CYP39A1: variants seen among roughly 807,000 people sequenced by gnomAD.
CYP39A1 encodes 24-hydroxycholesterol 7-alpha-hydroxylase.
A neutral mutation model predicts 58.1 loss-of-function variants in CYP39A1; 49 were observed. The ratio of observed to expected loss-of-function variants is 0.84; its 90% confidence interval spans 0.67 to 1.07. The LOEUF (loss-of-function observed/expected upper bound fraction) is 1.07. CYP39A1 is among the 50% of genes least tolerant of loss of function. The pLI, the probability that CYP39A1 is intolerant of heterozygous loss-of-function variation, is 0.00. For synonymous variants in CYP39A1, 209 were observed against 187.6 expected, an observed-to-expected ratio of 1.11 and a Z score of -0.93; for missense variants, 531 against 539.4, an observed-to-expected ratio of 0.98 and a Z score of 0.16.
At chr6:46,626,569 C>T (rs1308798873) in intron 6 of CYP39A1, among the ~76,000 whole-genome samples, 1 of 152,138 alleles carries the variant, frequency 6.6e-6, no homozygotes, top group Non-Finnish European at 1.5e-5. Flanking sequence ...TTTTCCCTTT[C>T]TAACTTTAAA....
intron 8 of CYP39A1, among the ~76,000 whole-genome samples, chr6:46,592,369 T>C (rs1772891024): frequency 1.3e-5 from 2 of 152,174 alleles, no homozygotes; most frequent in South Asian, 4.1e-4. Context: ...AAAATACAAA[T>C]TTCTGGGAAC....
chr6:46,652,805 C>A lies in CYP39A1; in HGVS notation c.-223G>T. ...CCACTTCTCTTTGAATCTCAGCCAG[C>A]GCGGAAAAAATGCAAGGAGGGGCAG... On this transcript the variant is annotated 5_prime_UTR_variant, in exon 1 of 12. Transcript: ENST00000275016. 2.0e-6 allele frequency: 1 copy of A among 493,816 alleles called. No homozygotes were observed. The highest frequency in any genetic ancestry group is 3.5e-6 in the Non-Finnish European group (1 of 285,226). The allele number at this position is 493,816 out of a possible 1,614,324, so 30.6% of individuals were successfully genotyped here. A position where few individuals can be genotyped will look rare whatever the true frequency, so the allele number is the denominator to read the frequency against.
At chr6:46,581,770 T>A (rs1772148147) in intron 10 of CYP39A1, among the ~76,000 whole-genome samples, 1 of 152,112 alleles carries the variant, frequency 6.6e-6, no homozygotes, top group Non-Finnish European at 1.5e-5. Context: ...GTACCCCCCT[T>A]GAACCCAAAA....
chr6:46,584,488 C>A (rs1772341413), intron 10 of CYP39A1, among the ~76,000 whole-genome samples: 1 of 152,126 alleles, frequency 6.6e-6, no homozygotes, highest in African/African-American at 2.4e-5. Context: ...TCTTCCAAAT[C>A]TGGTAGATTC....
intron 10 of CYP39A1, among the ~76,000 whole-genome samples, chr6:46,585,367 A>T (rs1405486012): frequency 1.3e-5 from 2 of 152,166 alleles, no homozygotes; most frequent in Non-Finnish European, 2.9e-5. Context: ...AGATAGACAG[A>T]CAGATAGCTA....
intron 8 of CYP39A1, among the ~76,000 whole-genome samples, chr6:46,588,891 A>G (rs900028042): frequency 3.3e-5 from 5 of 152,220 alleles, no homozygotes; most frequent in Admixed American, 6.5e-5. Flanking sequence ...TGATCTATAA[A>G]CTATACAAAG....
intron 5 of CYP39A1, 76 bp from the exon 6 acceptor site, chr6:46,631,146 C>A (rs899973506): frequency 8.6e-7 from 1 of 1,158,104 alleles, no homozygotes; most frequent in South Asian, 1.3e-5. Context: ...GAGATCATGC[C>A]TTTTTCTTTA....
At position 46,621,742 on chromosome 6, in the gene CYP39A1, A is replaced by C. The variant is rs140780904; in HGVS notation, c.931+3676T>G. 2.7e-3 allele frequency among the ~76,000 whole-genome samples: 409 copies of C among 152,308 alleles called. 3 individuals are homozygous for C. The highest frequency in any genetic ancestry group is 9.4e-3 in the African/African-American group (393 of 41,596). On this transcript the variant is annotated intron_variant, in intron 7 of 11. Transcript: ENST00000275016. ...GAATTCTACCATATGTTTAAAGAAG[A>C]AATAATATCAATCTTTCATAACCTC...
chr6:46,606,920 T>C (rs909206222), intron 7 of CYP39A1, among the ~76,000 whole-genome samples: 1 of 152,198 alleles, frequency 6.6e-6, no homozygotes, highest in Non-Finnish European at 1.5e-5. Context: ...CTATAAGAGA[T>C]AGGGAGGAAA....
At position 46,637,819 on chromosome 6, in the gene CYP39A1, C is replaced by T. The variant is rs754454593; in HGVS notation, c.638+10G>A. 1 of 1,608,068 alleles carries T rather than the reference C, an allele frequency of 6.2e-7. No individual in the cohort carries two copies. The highest frequency in any genetic ancestry group is 8.5e-7 in the Non-Finnish European group (1 of 1,178,618). On this transcript the variant is annotated intron_variant, in intron 4 of 11. Transcript: ENST00000275016. ...TGGTCAATGAATTAATTATAGGAAA[C>T]AACTGTTACCTTAGAAGACACTCTG...
rs59632210 is a variant in CYP39A1 at position 46,550,970 on chromosome 6, C to T, written c.1339-533G>A. ...AGGCTCCAAATATTCTGACTTTTTT[C>T]GCCCGAGTTAGAAATAAGATATGAA... On this transcript the variant is annotated intron_variant, in intron 11 of 11. Transcript: ENST00000275016. Among the ~76,000 whole-genome samples the T allele has an allele frequency of 8.0e-3, 1,220 of 152,088 alleles. 21 individuals carry two copies. The highest frequency in any genetic ancestry group is 0.028 in the African/African-American group (1,153 of 41,468).
intron 6 of CYP39A1, among the ~76,000 whole-genome samples, chr6:46,628,814 C>A (rs1473314862): frequency 6.6e-6 from 1 of 152,124 alleles, no homozygotes; most frequent in African/African-American, 2.4e-5. Flanking sequence ...TATTTGGAAG[C>A]CTATGTTCAG....
At chr6:46,628,520 C>T (rs1288833073) in intron 6 of CYP39A1, among the ~76,000 whole-genome samples, 5 of 152,154 alleles carry the variant, frequency 3.3e-5, no homozygotes, top group Admixed American at 6.6e-5. Context: ...ATGGTTTTCC[C>T]ATAAAAATAA....
At chr6:46,594,514 C>T (rs1773026081) in intron 8 of CYP39A1, among the ~76,000 whole-genome samples, 1 of 151,996 alleles carries the variant, frequency 6.6e-6, no homozygotes, top group African/African-American at 2.4e-5. Flanking sequence ...CACACATTTA[C>T]AGTCAATTGA....
At chr6:46,560,414 A>G (rs1477914928) in intron 10 of CYP39A1, among the ~76,000 whole-genome samples, 1 of 152,226 alleles carries the variant, frequency 6.6e-6, no homozygotes, top group Non-Finnish European at 1.5e-5. Flanking sequence ...GATGGTTTAC[A>G]TTATACATGT....
intron 10 of CYP39A1, 98 bp from the exon 11 acceptor site, chr6:46,553,952 A>G: frequency 1.3e-6 from 1 of 777,368 alleles, no homozygotes; most frequent in Non-Finnish European, 2.1e-6. Flanking sequence ...CAGAGTAAAC[A>G]TGCTCTTCTT....
intron 10 of CYP39A1, among the ~76,000 whole-genome samples, chr6:46,558,581 C>G (rs561789502): frequency 6.6e-6 from 1 of 152,280 alleles, no homozygotes; most frequent in African/African-American, 2.4e-5. Context: ...CAGAGGCAAA[C>G]TATATCACTG....
intron 1 of CYP39A1, among the ~76,000 whole-genome samples, chr6:46,649,607 A>G (rs1192906700): frequency 2.0e-5 from 3 of 152,252 alleles, no homozygotes; most frequent in Non-Finnish European, 1.5e-5. Context: ...AGTGTGAATA[A>G]TATGACACAT....
Position 46,637,892 on chromosome 6 carries a change from T to G in CYP39A1, c.575A>C (p.Gln192Pro). The G allele has an allele frequency of 6.2e-7, 1 of 1,613,294 alleles. No individual in the cohort carries two copies. The highest frequency in any genetic ancestry group is 1.1e-5 in the South Asian group (1 of 90,822). Reference protein sequence around the residue: ...TNKKKIKEFHQYFQVYDEDFE... With the variant: ...TNKKKIKEFHPYFQVYDEDFE... ...ATCTTCATCATAAACTTGAAAATAC[T>G]GATGGAACTCCTTGATTTTTTTCTT... The change falls in exon 4 of 12, where the codon CAG becomes CCG. Residue 192 changes from glutamine (Q) to proline (P), a missense_variant. Physicochemically the swap from Gln to Pro is moderately conservative, Grantham distance 76. Transcript: ENST00000275016.
Sources: gnomAD v4.1 joint callset for allele counts (sites outside exome capture counted in the v4.1 genomes callset) on GRCh38, gnomAD v4.1.1 for gene constraint, MANE v1.5 for transcripts, NCBI Gene and HGNC (gene_info 2026-07-23, HGNC 2026-07-21) for gene names.